The following STXBP5 variants were observed in gnomAD, a reference collection of about 807,000 sequenced individuals.
STXBP5 encodes the protein syntaxin-binding protein 5.
STXBP5 carries 50 observed loss-of-function variants against 152.4 expected under a neutral mutation model. The ratio of observed to expected loss-of-function variants is 0.33; its 90% CI spans 0.26 to 0.42. The LOEUF (loss-of-function observed/expected upper bound fraction) is 0.42. Among genes scored for constraint, STXBP5 ranks in the 10% least tolerant of loss-of-function variants. STXBP5 has a pLI of 1.00. For missense variants in STXBP5, 1,167 were observed against 1,388.6 expected (o/e 0.84, Z 2.54); for synonymous variants, 492 against 494.7 (o/e 0.99, Z 0.07).
At position 147,204,476 on chromosome 6, in the gene STXBP5, C is replaced by G; in HGVS notation, c.-57C>G. 2 of 1,582,320 alleles carry G rather than the reference C, an allele frequency of 1.3e-6. No homozygotes were observed. Among genetic ancestry groups the G allele is most frequent in the Non-Finnish European group, 1.7e-6 (2 of 1,165,770 alleles). On this transcript the variant is annotated 5_prime_UTR_variant, in exon 1 of 28. Coordinates refer to ENST00000321680, the MANE Select transcript of STXBP5 (RefSeq NM_001127715.4). This position sits in a 1 kb window ranked among gnomAD's most constrained non-coding sequence, Gnocchi z 4.3. ...GCCTTCGGCCCCGGGTGGTCTCCCC[C>G]GCCCGGGGACCCCCTGTGCCTCCCC...
intron 16 of STXBP5, among the ~76,000 whole-genome samples, chr6:147,320,885 T>G (rs1782904029): frequency 6.6e-6 from 1 of 152,132 alleles, no homozygotes; most frequent in Admixed American, 6.6e-5. Context: ...ATGGGAAGAT[T>G]GTAAACATAG....
chr6:147,336,781 C>G (rs566048999), intron 19 of STXBP5, among the ~76,000 whole-genome samples: 23 of 151,610 alleles, frequency 1.5e-4, no homozygotes, highest in Non-Finnish European at 3.1e-4. Flanking sequence ...AGTGGAAGAC[C>G]AATATAGAAA....
At chr6:147,267,427 A>G (rs1779947595) in intron 7 of STXBP5, among the ~76,000 whole-genome samples, 1 of 152,160 alleles carries the variant, frequency 6.6e-6, no homozygotes, top group African/African-American at 2.4e-5. Flanking sequence ...GACACTGTGC[A>G]TTTACAAGCA....
intron 2 of STXBP5, among the ~76,000 whole-genome samples, chr6:147,230,261 C>T (rs1777930184): frequency 6.6e-6 from 1 of 151,766 alleles, no homozygotes; most frequent in African/African-American, 2.4e-5. Context: ...TGTTTTTTAG[C>T]TGATCATTTT....
At chr6:147,255,525 G>GTTA (rs1480090327) in intron 4 of STXBP5, among the ~76,000 whole-genome samples, 22 of 151,920 alleles carry the variant, frequency 1.4e-4, no homozygotes, top group Admixed American at 1.3e-3. Flanking sequence ...TGTTGTTGTT[G>GTTA]TTGTTTTTTG....
At chr6:147,304,184 G>A (rs1206133339) in intron 9 of STXBP5, among the ~76,000 whole-genome samples, 1 of 152,060 alleles carries the variant, frequency 6.6e-6, no homozygotes, top group Non-Finnish European at 1.5e-5. Context: ...AGAGGCCTAG[G>A]AGAAAAAAAT....
chr6:147,324,570 A>G (rs1480823621), intron 16 of STXBP5, among the ~76,000 whole-genome samples: 1 of 151,938 alleles, frequency 6.6e-6, no homozygotes, highest in African/African-American at 2.4e-5. Context: ...GCACCCAGCC[A>G]TTTTTAAACC....
At position 147,275,549 on chromosome 6, in the gene STXBP5, C is replaced by CTTT. The variant is rs71031021; in HGVS notation, c.715-2508_715-2506dup. ...AGGTTTTTTTAAACAAGTAAATATT[C>CTTT]TTTTTTTTTTTTTTTTTTTTTTTTT... On this transcript the variant is annotated intron_variant, in intron 7 of 27. Transcript: ENST00000321680. 1.4e-4 allele frequency among the ~76,000 whole-genome samples: 9 copies of CTTT among 64,454 alleles called. 1 individual carries two copies. The highest frequency in any genetic ancestry group is 1.4e-4 in the Non-Finnish European group (5 of 35,600). 42.3% of individuals were successfully genotyped at this position (64,454 alleles called of 152,430 possible). A position where few individuals can be genotyped will look rare whatever the true frequency, so the allele number is the denominator to read the frequency against.
At chr6:147,331,805 T>TAA (rs758010688) in intron 18 of STXBP5, among the ~76,000 whole-genome samples, 2,394 of 115,200 alleles carry the variant, frequency 0.021, 51 homozygotes, top group African/African-American at 0.048. Context: ...TTCTACCAGT[T>TAA]AAAAAAAAAA....
intron 21 of STXBP5, chr6:147,351,931 T>G (rs893449836): frequency 1.0e-6 from 1 of 974,680 alleles, no homozygotes; most frequent in Non-Finnish European, 1.2e-6. Flanking sequence ...AGTCCAAAAT[T>G]TAACCTAATA....
intron 8 of STXBP5, among the ~76,000 whole-genome samples, chr6:147,285,733 G>A (rs1780928946): frequency 6.6e-6 from 1 of 152,032 alleles, no homozygotes; most frequent in Non-Finnish European, 1.5e-5. Flanking sequence ...ACCTAGCCAG[G>A]TTTTTTGCAA....
intron 19 of STXBP5, among the ~76,000 whole-genome samples, chr6:147,336,717 A>G (rs1197356799): frequency 1.3e-5 from 2 of 152,146 alleles, no homozygotes; most frequent in Non-Finnish European, 2.9e-5. Flanking sequence ...TTATGGGAAA[A>G]GAAGAAATGT....
At chr6:147,366,269 T>C (rs1375977654) in intron 25 of STXBP5, among the ~76,000 whole-genome samples, 2 of 152,172 alleles carry the variant, frequency 1.3e-5, no homozygotes, top group Non-Finnish European at 2.9e-5. Flanking sequence ...AAGAACCATC[T>C]GAAAGGAATA....
At chr6:147,366,522 C>T (rs1382050099) in intron 25 of STXBP5, among the ~76,000 whole-genome samples, 2 of 152,134 alleles carry the variant, frequency 1.3e-5, no homozygotes, top group Non-Finnish European at 2.9e-5. Flanking sequence ...ACTTATTGCC[C>T]CTTTGTTTCT....
At chr6:147,314,555 T>A (rs771441371) in intron 13 of STXBP5, 41 bp from the exon 14 acceptor site, 1 of 1,593,926 alleles carries the variant, frequency 6.3e-7, no homozygotes. Context: ...AAGGAAGAAC[T>A]GTAATTTTAT....
At chr6:147,238,798 C>G (rs1382844533) in intron 3 of STXBP5, among the ~76,000 whole-genome samples, 1 of 152,102 alleles carries the variant, frequency 6.6e-6, no homozygotes, top group Non-Finnish European at 1.5e-5. Context: ...GAGGTTACTT[C>G]ATACCATGTT....
intron 10 of STXBP5, 132 bp from the exon 11 acceptor site, chr6:147,311,323 T>C: frequency 1.4e-6 from 1 of 727,448 alleles, no homozygotes; most frequent in East Asian, 2.8e-5. Flanking sequence ...ATAACATGCA[T>C]GAAGTATCAT....
At chr6:147,258,428 T>C (rs1318015280) in intron 4 of STXBP5, among the ~76,000 whole-genome samples, 1 of 151,486 alleles carries the variant, frequency 6.6e-6, no homozygotes, top group Non-Finnish European at 1.5e-5. Flanking sequence ...ACATAGTTTT[T>C]TGTTTTTTGT....
rs770008070 is a variant in STXBP5, at chr6:147,382,993, C to T, written c.3409C>T (p.His1137Tyr). 1 of 1,613,210 alleles carries T rather than the reference C, an allele frequency of 6.2e-7. No individual in the cohort carries two copies. Among genetic ancestry groups the T allele is most frequent in the South Asian group, 1.1e-5 (1 of 91,058 alleles). ...SSAESFSKHA[H>Y]EIMLKYKDKK... ...TGCAGAGTCATTTTCTAAACATGCT[C>T]ATGAGGTACGACTCTCAAACAGATA... The change falls in exon 27 of 28, where the codon CAT becomes TAT. Residue 1137 changes from histidine (H) to tyrosine (Y), a missense_variant. His to Tyr is a moderately conservative substitution (Grantham distance 83). Around this residue, in one of 3 missense-constraint regions of STXBP5, gnomAD observed 833 missense variants for 986.3 expected, o/e 0.84. Transcript: ENST00000321680.
Sources: gnomAD v4.1 joint callset for allele counts (sites outside exome capture counted in the v4.1 genomes callset) on GRCh38, gnomAD v4.1.1 for gene constraint, gnomAD v4.1.1 regional missense constraint, Gnocchi (gnomAD v3.1) non-coding constraint, MANE v1.5 for transcripts, NCBI Gene and HGNC (gene_info 2026-07-23, HGNC 2026-07-21) for gene names.